Variants in KIAA2012 observed in about 807,000 individuals in gnomAD.
The protein encoded by KIAA2012 is uncharacterized protein KIAA2012.
Under a neutral mutation model 150.6 loss-of-function variants are expected in KIAA2012, and 125 were observed. The observed-to-expected ratio is 0.83, with a 90% CI of 0.72 to 0.96. The LOEUF (loss-of-function observed/expected upper bound fraction) is 0.96, where lower values mean the gene tolerates loss of function less well. Among genes scored for constraint, KIAA2012 ranks in the 40% least tolerant of loss-of-function variants. The probability of loss-of-function intolerance (pLI) is 0.00; values close to 1 mark genes in which losing one functional copy is unlikely to be tolerated. For synonymous variants in KIAA2012, 462 were observed against 504.7 expected (o/e 0.92, Z 1.13); for missense variants, 1,219 against 1,354.9 (o/e 0.90, Z 1.57).
At chr2:202,079,700 C>T (rs1450811734) in intron 2 of KIAA2012, among the ~76,000 whole-genome samples, 3 of 152,118 alleles carry the variant, frequency 2.0e-5, no homozygotes, top group African/African-American at 4.8e-5. Flanking sequence ...ACAAATATGT[C>T]GCTTGGTTGG....
At chr2:202,203,390 A>G (rs547321577) in intron 23 of KIAA2012, among the ~76,000 whole-genome samples, 7 of 152,368 alleles carry the variant, frequency 4.6e-5, no homozygotes, top group East Asian at 1.9e-4. Context: ...AGAACAATGC[A>G]TATCTGCAAC....
At chr2:202,098,364 A>C (rs1007541840) in intron 5 of KIAA2012, among the ~76,000 whole-genome samples, 3 of 152,150 alleles carry the variant, frequency 2.0e-5, no homozygotes, top group Non-Finnish European at 4.4e-5. Flanking sequence ...TGCCTCTAAA[A>C]AATAAATAAA....
At chr2:202,141,785 A>G (rs961297386) in intron 13 of KIAA2012, among the ~76,000 whole-genome samples, 3 of 152,176 alleles carry the variant, frequency 2.0e-5, no homozygotes, top group African/African-American at 7.2e-5. Context: ...GCTGACATCA[A>G]TCACTGGAGA....
intron 4 of KIAA2012, among the ~76,000 whole-genome samples, chr2:202,096,041 G>GCA (rs1689867413): frequency 3.9e-5 from 6 of 152,140 alleles, no homozygotes; most frequent in Non-Finnish European, 5.9e-5. Flanking sequence ...CCAAGATCAT[G>GCA]CCACTGCACT....
intron 16 of KIAA2012, among the ~76,000 whole-genome samples, chr2:202,186,456 G>A (rs1692229025): frequency 6.6e-6 from 1 of 150,900 alleles, no homozygotes; most frequent in South Asian, 2.1e-4. Context: ...AGGTTGCAGT[G>A]AGCCCAGATC....
chr2:202,146,462 C>G (rs1691298928), intron 13 of KIAA2012, among the ~76,000 whole-genome samples: 1 of 152,040 alleles, frequency 6.6e-6, no homozygotes. Flanking sequence ...GAAACCCTGT[C>G]TCTACTAAAA....
intron 2 of KIAA2012, among the ~76,000 whole-genome samples, chr2:202,085,809 T>A (rs1196378965): frequency 6.6e-6 from 1 of 152,186 alleles, no homozygotes; most frequent in African/African-American, 2.4e-5. Context: ...TAACTCTTCT[T>A]GGCAACTCCC....
chr2:202,094,386 CAAAT>C (rs1689808759), intron 4 of KIAA2012, among the ~76,000 whole-genome samples: 1 of 152,204 alleles, frequency 6.6e-6, no homozygotes, highest in African/African-American at 2.4e-5. Flanking sequence ...TCTGGTTTAT[CAAAT>C]GAATGGAGAA....
chr2:202,113,727 A>G (rs1319515255), intron 11 of KIAA2012: 8 of 352,530 alleles, frequency 2.3e-5, no homozygotes, highest in Non-Finnish European at 3.1e-5. Flanking sequence ...CTTGATGAGA[A>G]TGATAAAGTC....
chr2:202,131,689 T>G (rs1690931841), intron 12 of KIAA2012, among the ~76,000 whole-genome samples: 1 of 152,146 alleles, frequency 6.6e-6, no homozygotes, highest in South Asian at 2.1e-4. Context: ...TCTAAGAATG[T>G]ATGTAGGAAC....
intron 20 of KIAA2012, among the ~76,000 whole-genome samples, 199 bp downstream of exon 20, chr2:202,193,702 C>T (rs1364699306): frequency 6.6e-6 from 1 of 152,200 alleles, no homozygotes; most frequent in Admixed American, 6.5e-5. Context: ...CAACCATGTG[C>T]ATTGGTACAC....
intron 15 of KIAA2012, among the ~76,000 whole-genome samples, chr2:202,173,063 G>A (rs1691925779): frequency 6.6e-6 from 1 of 152,200 alleles, no homozygotes; most frequent in Admixed American, 6.5e-5. Flanking sequence ...GTAGGAAGTG[G>A]TGCACGCTTA....
chr2:202,172,528 G>A (rs1691916694), intron 15 of KIAA2012, among the ~76,000 whole-genome samples: 1 of 152,238 alleles, frequency 6.6e-6, no homozygotes, highest in African/African-American at 2.4e-5. Flanking sequence ...AATCGTGCAT[G>A]ACAACTAATT....
At chr2:202,100,240 T>C in intron 6 of KIAA2012, 67 bp from the exon 7 acceptor site, 1 of 1,476,974 alleles carries the variant, frequency 6.8e-7, no homozygotes, top group Non-Finnish European at 9.2e-7. Context: ...GTGATAAAAG[T>C]CAAAACTCAA....
At position 202,204,075 on chromosome 2, in the gene KIAA2012, TG is replaced by T. The variant is rs1250898002; in HGVS notation, c.*21-922del. On this transcript the variant is annotated intron_variant, in intron 23 of 23. Transcript: ENST00000498697. ...TGAGCCACCGCACCCAGCGGTTTTT[TG>T]TTTTTTTTTTTTTTTTTTAAGACAG... is the stretch of plus-strand genomic sequence containing the variant. Among the ~76,000 whole-genome samples, 210 of 63,086 alleles carry T rather than the reference TG, an allele frequency of 3.3e-3. 1 individual carries two copies. The highest frequency in any genetic ancestry group is 0.011 in the African/African-American group (184 of 16,720). 41.4% of individuals were successfully genotyped at this position (63,086 alleles called of 152,430 possible). A position where few individuals can be genotyped will look rare whatever the true frequency, so the allele number is the denominator to read the frequency against.
intron 11 of KIAA2012, among the ~76,000 whole-genome samples, chr2:202,124,751 GA>G (rs1690739526): frequency 6.6e-6 from 1 of 152,108 alleles, no homozygotes; most frequent in Non-Finnish European, 1.5e-5. Context: ...CTTCTCTCCA[GA>G]ATATCATCTG....
rs535243120 is a variant in KIAA2012, at chr2:202,104,126, A to G, written c.1324+1012A>G. Among the ~76,000 whole-genome samples the G allele has an allele frequency of 6.6e-6, 1 of 152,292 alleles. No homozygotes were observed. Among genetic ancestry groups the G allele is most frequent in the East Asian group, 1.9e-4 (1 of 5,190 alleles). On this transcript the variant is annotated intron_variant, in intron 8 of 23. Coordinates refer to ENST00000498697, the MANE Select transcript of KIAA2012 (RefSeq NM_001277372.4). This position sits in a 1 kb window ranked among gnomAD's most constrained non-coding sequence, Gnocchi z 4.3. Reference sequence around the variant, plus strand: ...GCTTAAAAGACCAATGGAAGGGGACATGAAGGAACTTTCTGGGGTGATGAA... The same window carrying G: ...GCTTAAAAGACCAATGGAAGGGGACGTGAAGGAACTTTCTGGGGTGATGAA...
At chr2:202,155,843 G>C (rs547983816) in intron 14 of KIAA2012, among the ~76,000 whole-genome samples, 1 of 152,174 alleles carries the variant, frequency 6.6e-6, no homozygotes, top group Non-Finnish European at 1.5e-5. Context: ...CCATGACTGG[G>C]CTCTGCTTTT....
At chr2:202,188,049 C>G (rs994660346) in intron 17 of KIAA2012, 103 bp from the exon 18 acceptor site, 25 of 913,872 alleles carry the variant, frequency 2.7e-5, no homozygotes, top group Non-Finnish European at 3.6e-5. Flanking sequence ...ACACAAATTC[C>G]ATTCTAAGCC....
Sources: allele counts gnomAD v4.1 joint callset (sites outside exome capture counted in the v4.1 genomes callset), GRCh38; gene constraint gnomAD v4.1.1; non-coding constraint Gnocchi (gnomAD v3.1); transcripts MANE v1.5; gene names NCBI Gene and HGNC (gene_info 2026-07-23, HGNC 2026-07-21).